ADGRG4: variants seen among roughly 807,000 people sequenced by gnomAD.
ADGRG4 encodes G protein-coupled receptor 112.
In ADGRG4, 122 loss-of-function variants were observed where a neutral mutation model predicts 126.2. That is an observed-to-expected ratio of 0.97 (90% confidence interval 0.83 to 1.12). The LOEUF (loss-of-function observed/expected upper bound fraction) is 1.12, where lower values mean the gene tolerates loss of function less well. ADGRG4 is among the 50% of genes most tolerant of loss of function. The pLI is 0.00. For synonymous variants in ADGRG4, 943 were observed against 838.7 expected (o/e 1.12, Z -2.15); for missense variants, 2,481 against 2,251.8 (o/e 1.10, Z -2.06).
intron 15 of ADGRG4, among the ~76,000 whole-genome samples, chrX:136,382,203 A>G (rs550527): frequency 0.35 from 38,583 of 110,682 alleles, 5,094 homozygotes; most frequent in Non-Finnish European, 0.4. Context: ...TATGCCTAAC[A>G]TAATACAACT....
Position 136,346,389 on chromosome X carries a change from A to G in ADGRG4, c.2683A>G (p.Thr895Ala). The G allele has an allele frequency of 8.3e-7, 1 of 1,209,975 alleles. No homozygotes were observed. ...SSFPDIEKLS[T>A]PLDNKTATTE... The stretch of plus-strand genomic sequence containing the variant: ...TTTTCCTGATATAGAAAAGCTAAGT[A>G]CCCCATTGGATAATAAAACTGCAAC... The change falls in exon 6 of 26, where the codon ACC becomes GCC. Residue 895 changes from threonine to alanine, a missense_variant. Coordinates refer to ENST00000394143, the MANE Select transcript of ADGRG4 (RefSeq NM_153834.4).
chrX:136,353,583 G>A (rs1001473140), intron 8 of ADGRG4, among the ~76,000 whole-genome samples, 182 bp downstream of exon 8: 1 of 111,264 alleles, frequency 9.0e-6, no homozygotes, highest in African/African-American at 3.3e-5. Context: ...TACTATTGTA[G>A]GGCACAAAGC....
intron 22 of ADGRG4, 48 bp downstream of exon 22, chrX:136,403,370 C>A (rs2148498868): frequency 2.0e-6 from 2 of 997,031 alleles, no homozygotes; most frequent in Non-Finnish European, 2.8e-6. Context: ...TCTGGCCCAG[C>A]AGGGTATAGT....
chrX:136,407,148 C>T (rs1441478593), intron 23 of ADGRG4, among the ~76,000 whole-genome samples: 4 of 110,771 alleles, frequency 3.6e-5, no homozygotes, highest in Non-Finnish European at 7.6e-5. Flanking sequence ...AGTCTCCCTT[C>T]GTGCTCTCCA....
chrX:136,351,628 G>A (rs2075063596), intron 7 of ADGRG4, 87 bp downstream of exon 7: 5 of 378,199 alleles, frequency 1.3e-5, no homozygotes, highest in Non-Finnish European at 2.1e-5. Flanking sequence ...ATTAAAACTA[G>A]GCTTTACTTT....
At chrX:136,339,948 T>TA (rs1421792190) in intron 5 of ADGRG4, among the ~76,000 whole-genome samples, 4 of 111,740 alleles carry the variant, frequency 3.6e-5, no homozygotes, top group Non-Finnish European at 7.5e-5. Context: ...CTTACTCACT[T>TA]ACAACATTTT....
intron 5 of ADGRG4, among the ~76,000 whole-genome samples, chrX:136,343,329 G>C (rs1356972780): frequency 9.0e-6 from 1 of 111,172 alleles, no homozygotes; most frequent in Non-Finnish European, 1.9e-5. Context: ...TGTTGAGCTT[G>C]AGGTGTTAAT....
intron 6 of ADGRG4, among the ~76,000 whole-genome samples, chrX:136,351,104 G>T (rs778016230): frequency 2.7e-5 from 3 of 112,006 alleles, no homozygotes; most frequent in Non-Finnish European, 3.8e-5. Flanking sequence ...CTTTCTCAGA[G>T]AAAATGATCT....
intron 13 of ADGRG4, among the ~76,000 whole-genome samples, chrX:136,364,443 C>T (rs773191878): frequency 8.9e-6 from 1 of 111,826 alleles, no homozygotes; most frequent in Admixed American, 9.5e-5. Flanking sequence ...ATTATTATAT[C>T]AGCCTATAAA....
At position 136,344,765 on chromosome X, in the gene ADGRG4, A is replaced by G. The variant is rs759354885; in HGVS notation, c.1059A>G (p.Thr353=). Residue 353 remains threonine, a synonymous_variant, in exon 6 of 26, where the codon ACA becomes ACG. Transcript: ENST00000394143. ...TKSPSSESTK[T]TKMVEAMATE... is the part of the protein sequence containing the mutation. The stretch of plus-strand genomic sequence containing the variant: ...CTCCATCTTCAGAAAGCACAAAGAC[A>G]ACAAAAATGGTTGAAGCCATGGCTA... 3.3e-6 allele frequency: 4 copies of G among 1,210,365 alleles called. No homozygotes were observed. The South Asian group carries it at 7.1e-5, about 21-fold the overall frequency.
chrX:136,309,239 T>C (rs1332646038), intron 4 of ADGRG4, among the ~76,000 whole-genome samples: 1 of 112,494 alleles, frequency 8.9e-6, no homozygotes, highest in Non-Finnish European at 1.9e-5. Flanking sequence ...GTCTCCATTA[T>C]ATGTATATGG....
At chrX:136,398,260 G>T (rs1459295006) in intron 20 of ADGRG4, among the ~76,000 whole-genome samples, 1 of 112,020 alleles carries the variant, frequency 8.9e-6, no homozygotes, top group African/African-American at 3.2e-5. Flanking sequence ...AAGAAAATTT[G>T]ATAAAGTGGA....
rs374858229 is a variant in ADGRG4 at position 136,308,827 on chromosome X, C to A, written c.50C>A (p.Ser17Ter). ...AAGCTTTATGGATTGATTCTCATGTCGAGTTTTATCTTTCTCTCAGGTAAG... is the reference window on the plus strand; with the variant it reads ...AAGCTTTATGGATTGATTCTCATGTAGAGTTTTATCTTTCTCTCAGGTAAG... The part of the protein sequence containing the change: ...YQKLYGLILM[S>*]SFIFLSDTLS... The change falls in exon 4 of 26, where the codon TCG becomes TAG. Residue 17 changes from serine to a stop codon, truncating the protein, a stop_gained. Coordinates refer to ENST00000394143, the MANE Select transcript of ADGRG4 (RefSeq NM_153834.4). LOFTEE classifies it high-confidence loss of function. 1 of 1,125,415 alleles carries A rather than the reference C, an allele frequency of 8.9e-7. No individual in the cohort carries two copies. Among genetic ancestry groups the A allele is most frequent in the South Asian group, 1.8e-5 (1 of 54,846 alleles). The allele number at this position is 1,125,415 out of a possible 1,213,427, so 92.7% of individuals were successfully genotyped here.
intron 12 of ADGRG4, 151 bp from the exon 13 acceptor site, chrX:136,363,326 A>G (rs907420277): frequency 2.1e-6 from 1 of 469,224 alleles, no homozygotes; most frequent in Non-Finnish European, 3.8e-6. Flanking sequence ...TCTTCATTTC[A>G]CAAAGAAGTA....
chrX:136,348,293 T>C lies in ADGRG4; in HGVS notation c.4587T>C (p.Ser1529=). Residue 1529 remains serine (S), a synonymous_variant, in exon 6 of 26, where the codon TCT becomes TCC. Transcript: ENST00000394143. ...CTGCCTTCACCTCCAAAAAAGTTTC[T>C]GACACTCCCCCAATAGTGATAACTA... The part of the protein sequence containing the change: ...NVTAFTSKKV[S]DTPPIVITKS... 1 of 1,209,999 alleles carries C rather than the reference T, an allele frequency of 8.3e-7. No homozygotes were observed. Among genetic ancestry groups the C allele is most frequent in the Non-Finnish European group, 1.1e-6 (1 of 893,986 alleles).
intron 11 of ADGRG4, among the ~76,000 whole-genome samples, chrX:136,360,451 C>T (rs2075121295): frequency 9.0e-6 from 1 of 111,580 alleles, no homozygotes; most frequent in Admixed American, 9.5e-5. Context: ...ACATCAAAAA[C>T]AGAGCCCTAG....
chrX:136,379,451 C>T (rs2148485649), intron 15 of ADGRG4, among the ~76,000 whole-genome samples: 1 of 105,139 alleles, frequency 9.5e-6, no homozygotes, highest in Admixed American at 1.0e-4. Flanking sequence ...CTGCCCTCTC[C>T]TCCCCTTCTT....
chrX:136,405,933 T>A lies in ADGRG4; in HGVS notation c.8896T>A (p.Phe2966Ile). The change falls in exon 23 of 26, where the codon TTT becomes ATT. Residue 2966 changes from phenylalanine (F) to isoleucine (I), a missense_variant. Physicochemically the swap from Phe to Ile is conservative, Grantham distance 21. Transcript: ENST00000394143. ...TTTTGCTTGGGGACCCATGAGGAAC[T>A]TTTTCTTGTATTTGTTTGCCATTTT... The part of the protein sequence containing the change: ...AFFAWGPMRN[F>I]FLYLFAIFNT... The A allele has an allele frequency of 2.6e-6, 3 of 1,137,232 alleles. No homozygotes were observed. Among genetic ancestry groups the A allele is most frequent in the Non-Finnish European group, 3.5e-6 (3 of 856,860 alleles). The allele number at this position is 1,137,232 out of a possible 1,213,427, so 93.7% of individuals were successfully genotyped here.
At chrX:136,355,319 C>A (rs1418284564) in intron 8 of ADGRG4, among the ~76,000 whole-genome samples, 1 of 110,822 alleles carries the variant, frequency 9.0e-6, no homozygotes, top group African/African-American at 3.3e-5. Context: ...GATCTAATTA[C>A]CCCTCAAAGG....
Sources: gnomAD v4.1 joint callset for allele counts (sites outside exome capture counted in the v4.1 genomes callset) on GRCh38, gnomAD v4.1.1 for gene constraint, MANE v1.5 for transcripts, NCBI Gene and HGNC (gene_info 2026-07-23, HGNC 2026-07-21) for gene names.